Variants in ST7 observed in about 807,000 individuals in gnomAD.
ST7 encodes suppressor of tumorigenicity 7 protein.
In ST7, 28 loss-of-function variants were observed where a neutral mutation model predicts 78.7. The observed-to-expected ratio is 0.36, with a 90% CI of 0.26 to 0.49. ST7 has a LOEUF of 0.49. ST7 is among the 20% of genes least tolerant of loss of function. The pLI is 0.99. For synonymous variants in ST7, 247 were observed against 249.6 expected (o/e 0.99, Z 0.10); for missense variants, 418 against 696.0 (o/e 0.60, Z 4.49).
rs886379255 is a variant in ST7, at chr7:117,142,150, A to C, written c.963+3618A>C. 3.3e-5 allele frequency among the ~76,000 whole-genome samples: 5 copies of C among 152,128 alleles called. 1 individual carries two copies. The South Asian group carries it at 1.0e-3, about 32-fold the overall frequency. ...GACATCTACTGTTTAGCTAACCTCA[A>C]GTTTTCCCTCTGTCTTTCCCTGGCC... On this transcript the variant is annotated intron_variant, in intron 9 of 15. Coordinates refer to ENST00000323984, the MANE Select transcript of ST7 (RefSeq NM_001369598.1).
chr7:117,187,795 A>G (rs550926214), intron 10 of ST7: 14 of 152,278 alleles, frequency 9.2e-5, no homozygotes, highest in African/African-American at 3.4e-4. Flanking sequence ...TAAGTAGGCC[A>G]TGTGTCATCT....
rs545948786 is a variant in ST7, at chr7:117,088,392, A to G, written c.152-11370A>G. ...ATGATACTTTTTATAAGCTAAATAT[A>G]TTTTAGATATTAATAAATGTAGAGC... On this transcript the variant is annotated intron_variant, in intron 1 of 15. Transcript: ENST00000323984. Among the ~76,000 whole-genome samples the G allele has an allele frequency of 4.9e-4, 74 of 152,298 alleles. 1 individual carries two copies. Among genetic ancestry groups the G allele is most frequent in the Non-Finnish European group, 2.9e-5 (2 of 68,020 alleles).
chr7:117,171,659 A>G (rs558259401), intron 10 of ST7, among the ~76,000 whole-genome samples: 2 of 151,636 alleles, frequency 1.3e-5, no homozygotes, highest in African/African-American at 4.8e-5. Context: ...GTCATTATCC[A>G]TGAATTCATT....
At position 116,996,676 on chromosome 7, in the gene ST7, C is replaced by T. The variant is rs1036570071; in HGVS notation, c.151+42985C>T. Among the ~76,000 whole-genome samples the T allele has an allele frequency of 3.3e-5, 5 of 152,214 alleles. No individual in the cohort carries two copies. The South Asian group carries it at 1.0e-3, about 32-fold the overall frequency. ...TAATATGCAGAGACCAGAAAGTTAC[C>T]TAGTCTGATTTAAATATTTTAGTGT... On this transcript the variant is annotated intron_variant, in intron 1 of 15. Coordinates refer to ENST00000323984, the MANE Select transcript of ST7 (RefSeq NM_001369598.1).
chr7:116,956,267 A>T (rs1792474813), intron 1 of ST7, among the ~76,000 whole-genome samples: 1 of 152,138 alleles, frequency 6.6e-6, no homozygotes, highest in African/African-American at 2.4e-5. Flanking sequence ...TTTGGGAAAA[A>T]GTTTCTGTAC....
At chr7:116,972,838 T>C (rs1429283009) in intron 1 of ST7, 1 of 1,113,900 alleles carries the variant, frequency 9.0e-7, no homozygotes, top group Non-Finnish European at 1.3e-6. Context: ...AGCTCGCTCC[T>C]CTGCATCATC....
intron 1 of ST7, among the ~76,000 whole-genome samples, chr7:117,097,268 T>C (rs559730270): frequency 6.6e-6 from 1 of 152,226 alleles, no homozygotes; most frequent in East Asian, 1.9e-4. Flanking sequence ...TACTGAAAGG[T>C]ATATGGTACA....
chr7:117,178,663 T>A (rs1054364624), intron 10 of ST7, among the ~76,000 whole-genome samples: 4 of 152,208 alleles, frequency 2.6e-5, no homozygotes, highest in African/African-American at 7.2e-5. Context: ...AGAATAGTAA[T>A]GATCCTTTTA....
intron 2 of ST7, among the ~76,000 whole-genome samples, chr7:117,116,775 A>C (rs963636719): frequency 5.3e-5 from 8 of 152,184 alleles, no homozygotes; most frequent in African/African-American, 1.7e-4. Flanking sequence ...TGAATAACCC[A>C]GTCTTTACTG....
In ST7 at chr7:117,215,059, A is replaced by G. The variant is rs140426386; in HGVS notation, c.1406-4025A>G. On this transcript the variant is annotated intron_variant, in intron 13 of 15. Coordinates refer to ENST00000323984, the MANE Select transcript of ST7 (RefSeq NM_001369598.1). Reference sequence around the variant, plus strand: ...TCTGTCATGACAGTAGGAACTGAGTATTAGAGTGGTGAGGGTCACTAAGAA... The same window carrying G: ...TCTGTCATGACAGTAGGAACTGAGTGTTAGAGTGGTGAGGGTCACTAAGAA... Among the ~76,000 whole-genome samples, 632 of 152,156 alleles carry G rather than the reference A, an allele frequency of 4.2e-3. 8 individuals carry two copies. Among genetic ancestry groups the G allele is most frequent in the African/African-American group, 0.014 (600 of 41,512 alleles).
chr7:117,172,564 C>A (rs898490963), intron 10 of ST7, among the ~76,000 whole-genome samples: 3 of 152,172 alleles, frequency 2.0e-5, no homozygotes, highest in Admixed American at 6.5e-5. Context: ...CATGTCAGCT[C>A]ACTTGTATTC....
At chr7:116,992,227 A>C (rs987230322) in intron 1 of ST7, among the ~76,000 whole-genome samples, 2 of 152,152 alleles carry the variant, frequency 1.3e-5, no homozygotes, top group African/African-American at 4.8e-5. Flanking sequence ...TAGGGACTCT[A>C]TGTGAGGGCT....
At chr7:117,055,894 G>T (rs1236878253) in intron 1 of ST7, among the ~76,000 whole-genome samples, 1 of 152,134 alleles carries the variant, frequency 6.6e-6, no homozygotes, top group Non-Finnish European at 1.5e-5. Flanking sequence ...CGATCACAAG[G>T]TCCCACAGTA....
chr7:117,160,853 G>A (rs919879338), intron 9 of ST7, among the ~76,000 whole-genome samples: 17 of 152,020 alleles, frequency 1.1e-4, no homozygotes, highest in African/African-American at 3.9e-4. Context: ...TATAGTTAAT[G>A]TAACTCTGAG....
chr7:117,134,242 T>C (rs1005175929), intron 7 of ST7, 50 bp downstream of exon 7: 2 of 1,608,624 alleles, frequency 1.2e-6, no homozygotes, highest in Non-Finnish European at 1.7e-6. Flanking sequence ...ATGAGACTTC[T>C]AGTGGATATC....
chr7:117,222,952 C>T (rs767313942), intron 15 of ST7: 6 of 1,613,642 alleles, frequency 3.7e-6, no homozygotes. Context: ...ATCCCTCCGG[C>T]ACCTCAATCT....
intron 10 of ST7, chr7:117,173,586 T>G (rs1043333950): frequency 6.6e-6 from 1 of 152,182 alleles, no homozygotes; most frequent in African/African-American, 2.4e-5. Context: ...TTAGAGGTCT[T>G]AGAGTACAGA....
intron 1 of ST7, among the ~76,000 whole-genome samples, chr7:117,069,380 GA>G (rs1156383135): frequency 6.6e-6 from 1 of 152,148 alleles, no homozygotes; most frequent in Non-Finnish European, 1.5e-5. Flanking sequence ...TTGCAACAAT[GA>G]ATTTCAATGG....
intron 13 of ST7, among the ~76,000 whole-genome samples, chr7:117,214,807 A>G (rs1792560654): frequency 6.6e-6 from 1 of 151,918 alleles, no homozygotes; most frequent in East Asian, 1.9e-4. Flanking sequence ...TTATTCATTC[A>G]TTACTTTATT....
Sources: gnomAD v4.1 joint callset for allele counts (sites outside exome capture counted in the v4.1 genomes callset) on GRCh38, gnomAD v4.1.1 for gene constraint, MANE v1.5 for transcripts, NCBI Gene and HGNC (gene_info 2026-07-23, HGNC 2026-07-21) for gene names.